SCRN1: variants seen among roughly 807,000 people sequenced by gnomAD.
The protein encoded by SCRN1 is secernin-1.
SCRN1 carries 19 observed loss-of-function variants against 43.3 expected under a neutral mutation model. The observed-to-expected ratio is 0.44, with a 90% CI of 0.31 to 0.64. SCRN1 has a LOEUF of 0.64. Among genes scored for constraint, SCRN1 ranks in the 30% least tolerant of loss-of-function variants. The pLI is 0.09. For synonymous variants in SCRN1, 183 were observed against 188.9 expected, an observed-to-expected ratio of 0.97 and a Z score of 0.26; for missense variants, 447 against 524.1, an observed-to-expected ratio of 0.85 and a Z score of 1.44.
intron 7 of SCRN1, among the ~76,000 whole-genome samples, chr7:29,925,854 C>CAAAAAAAAA (rs59395122): frequency 2.4e-5 from 2 of 83,978 alleles, no homozygotes; most frequent in South Asian, 4.1e-4. Context: ...ACTAAAAATA[C>CAAAAAAAAA]AAAAAAAAAA....
intron 1 of SCRN1, among the ~76,000 whole-genome samples, chr7:29,981,182 TAAA>T (rs751324832): frequency 1.4e-4 from 18 of 132,914 alleles, no homozygotes; most frequent in African/African-American, 4.9e-4. Flanking sequence ...CTAAGTGCAA[TAAA>T]AAAAAAAAAA....
intron 2 of SCRN1, among the ~76,000 whole-genome samples, chr7:29,958,142 C>T (rs1013468385): frequency 1.3e-5 from 2 of 152,204 alleles, no homozygotes; most frequent in Non-Finnish European, 2.9e-5. Context: ...GAGCCTGGAA[C>T]ACATGCCCCT....
intron 1 of SCRN1, among the ~76,000 whole-genome samples, chr7:29,975,513 C>A (rs993500864): frequency 1.3e-5 from 2 of 152,154 alleles, no homozygotes; most frequent in African/African-American, 4.8e-5. Flanking sequence ...TGGATAGGAA[C>A]AAGTTTTTTC....
At position 29,965,768 on chromosome 7, in the gene SCRN1, T is replaced by C. The variant is rs1173769964; in HGVS notation, c.159+3141A>G. On this transcript the variant is annotated intron_variant, in intron 2 of 7. Coordinates refer to ENST00000242059, the MANE Select transcript of SCRN1 (RefSeq NM_014766.5). This position sits in a 1 kb window ranked among gnomAD's most constrained non-coding sequence, Gnocchi z 4.2. The stretch of plus-strand genomic sequence containing the variant: ...GGACAGGATTTAACCTAAATATATC[T>C]GAGTAATCATATACCATAGGTTAAC... Among the ~76,000 whole-genome samples the C allele has an allele frequency of 6.6e-6, 1 of 152,126 alleles. No individual in the cohort carries two copies. Among genetic ancestry groups the C allele is most frequent in the Non-Finnish European group, 1.5e-5 (1 of 68,028 alleles).
intron 5 of SCRN1, among the ~76,000 whole-genome samples, chr7:29,937,556 A>G (rs2128088890): frequency 6.6e-6 from 1 of 152,314 alleles, no homozygotes. Context: ...AGTACATACA[A>G]TCTACTACGC....
rs750656291 is a variant in SCRN1, at chr7:29,926,474, C to T, written c.1064G>A (p.Arg355His). The T allele has an allele frequency of 3.7e-6, 6 of 1,613,350 alleles. No individual in the cohort carries two copies. Among genetic ancestry groups the T allele is most frequent in the South Asian group, 1.1e-5 (1 of 91,044 alleles). Residue 355 changes from arginine to histidine, a missense_variant, in exon 7 of 8, where the codon CGT (arginine) becomes CAT (histidine). Physicochemically the swap from Arg to His is conservative, Grantham distance 29 (BLOSUM62 0). Transcript: ENST00000242059. ...CACCTGGTCACTTTCGATGATGGCACGTGCCCACTCGTGGGCTTTGTACAG... is the reference window on the plus strand; with the variant it reads ...CACCTGGTCACTTTCGATGATGGCATGTGCCCACTCGTGGGCTTTGTACAG... ...HELYKAHEWA[R>H]AIIESDQEQG...
At chr7:29,938,508 G>T (rs186494362) in intron 5 of SCRN1, among the ~76,000 whole-genome samples, 1 of 152,356 alleles carries the variant, frequency 6.6e-6, no homozygotes, top group East Asian at 1.9e-4. Flanking sequence ...TGTTCATGAT[G>T]GCCATGATGC....
At chr7:29,962,201 AT>A (rs1788346507) in intron 2 of SCRN1, among the ~76,000 whole-genome samples, 3 of 148,182 alleles carry the variant, frequency 2.0e-5, no homozygotes, top group Admixed American at 1.3e-4. Flanking sequence ...ATATAATTAA[AT>A]TATACAATTA....
chr7:29,940,513 G>A lies in SCRN1; in HGVS notation c.739+169C>T, dbSNP rs138987864. Among the ~76,000 whole-genome samples, 185 of 152,320 alleles carry A rather than the reference G, an allele frequency of 1.2e-3. 3 individuals are homozygous for A. In the East Asian group the frequency reaches 0.029, roughly 24 times the overall value. On this transcript the variant is annotated intron_variant, in intron 5 of 7. Transcript: ENST00000242059. ...AAGCACCATGTAAAAATAAATACAAGTTGTTTTCTTGCCTGCACATCAGGG... is the reference window on the plus strand; with the variant it reads ...AAGCACCATGTAAAAATAAATACAAATTGTTTTCTTGCCTGCACATCAGGG...
chr7:29,988,249 G>A (rs1789224998), intron 1 of SCRN1, among the ~76,000 whole-genome samples: 1 of 152,192 alleles, frequency 6.6e-6, no homozygotes, highest in Admixed American at 6.5e-5. Flanking sequence ...ACGACCTCCA[G>A]GTTGTGCATC....
In SCRN1 at chr7:29,968,962, G is replaced by C. The variant is rs764487521; in HGVS notation, c.106C>G (p.Gln36Glu). Residue 36 changes from glutamine to glutamate, a missense_variant, in exon 2 of 8, where the codon CAA (glutamine) becomes GAA (glutamate). Gln to Glu is a conservative substitution (Grantham distance 29). Coordinates refer to ENST00000242059, the MANE Select transcript of SCRN1 (RefSeq NM_014766.5). ...GCAGCCGAGAAATACACAACCTCTT[G>C]CACTTCATCTCTGGGCCGGGCTGAA... ...KNSARPRDEVQEVVYFSAADH... is the reference protein window; with the variant it reads ...KNSARPRDEVEEVVYFSAADH... 7.4e-6 allele frequency: 12 copies of C among 1,614,022 alleles called. No individual in the cohort carries two copies. The highest frequency in any genetic ancestry group is 1.0e-5 in the Non-Finnish European group (12 of 1,180,036).
At chr7:29,958,547 T>A (rs57306360) in intron 2 of SCRN1, among the ~76,000 whole-genome samples, 29,544 of 152,228 alleles carry the variant, frequency 0.19, 3,654 homozygotes, top group East Asian at 0.51. Flanking sequence ...TGACATCTTC[T>A]TTCAGTGTGG....
chr7:29,929,117 C>A (rs748604632), intron 6 of SCRN1, among the ~76,000 whole-genome samples: 1 of 152,200 alleles, frequency 6.6e-6, no homozygotes, highest in Non-Finnish European at 1.5e-5. Context: ...GGGAAGTCAG[C>A]GCATGTCACC....
chr7:29,935,851 C>G (rs1787306355), intron 6 of SCRN1, among the ~76,000 whole-genome samples: 1 of 152,178 alleles, frequency 6.6e-6, no homozygotes, highest in Admixed American at 6.5e-5. Context: ...TCCCAACAAG[C>G]ATGTAAAGGT....
At chr7:29,940,898 A>G (rs548539038) in intron 4 of SCRN1, 22 bp from the exon 5 acceptor site, 24 of 1,466,326 alleles carry the variant, frequency 1.6e-5, no homozygotes, top group African/African-American at 1.5e-4. Flanking sequence ...GCAAAGCCCC[A>G]TAAGTTAAAA....
At chr7:29,960,689 T>C (rs1788278422) in intron 2 of SCRN1, among the ~76,000 whole-genome samples, 1 of 152,028 alleles carries the variant, frequency 6.6e-6, no homozygotes, top group South Asian at 2.1e-4. Flanking sequence ...GTACCATCCA[T>C]GAGCATGCAT....
At chr7:29,990,006 AAG>A, upstream of SCRN1, 1 of 1,438,058 alleles carries the variant, frequency 7.0e-7, no homozygotes, top group South Asian at 1.5e-5. Context: ...TCGCCGCAGA[AAG>A]TGGCCCCCTC....
intron 4 of SCRN1, among the ~76,000 whole-genome samples, chr7:29,941,231 C>G (rs1022446211): frequency 2.6e-5 from 4 of 152,200 alleles, no homozygotes; most frequent in African/African-American, 7.2e-5. Flanking sequence ...GAAAGAGGTA[C>G]TGAGCTAACA....
chr7:29,938,522 C>T (rs1222828661), intron 5 of SCRN1, among the ~76,000 whole-genome samples: 2 of 152,222 alleles, frequency 1.3e-5, no homozygotes, highest in Non-Finnish European at 1.5e-5. Flanking sequence ...ATGATGCCCA[C>T]GCTGGAAGGT....
Sources: gnomAD v4.1 joint callset for allele counts (sites outside exome capture counted in the v4.1 genomes callset) on GRCh38, gnomAD v4.1.1 for gene constraint, Gnocchi (gnomAD v3.1) non-coding constraint, MANE v1.5 for transcripts, NCBI Gene and HGNC (gene_info 2026-07-23, HGNC 2026-07-21) for gene names.